The following EMSY variants were observed in gnomAD, a reference collection of about 807,000 sequenced individuals.
EMSY encodes BRCA2-interacting transcriptional repressor EMSY.
EMSY carries 26 observed loss-of-function variants against 134.6 expected under a neutral mutation model. The ratio of observed to expected loss-of-function variants is 0.19; its 90% CI spans 0.14 to 0.27. EMSY has a LOEUF of 0.27. EMSY is among the 10% of genes least tolerant of loss of function. EMSY has a pLI of 1.00. For missense variants in EMSY, 1,305 were observed against 1,611.4 expected (o/e 0.81, Z 3.26); for synonymous variants, 579 against 577.8 (o/e 1.00, Z -0.03).
chr11:76,487,810 C>G (rs2135617179), intron 8 of EMSY, among the ~76,000 whole-genome samples: 1 of 152,328 alleles, frequency 6.6e-6, no homozygotes, highest in East Asian at 1.9e-4. Context: ...TGGAGATATT[C>G]CCAAATCTGG....
chr11:76,446,588 C>A (rs984204633), intron 1 of EMSY, among the ~76,000 whole-genome samples: 1 of 152,068 alleles, frequency 6.6e-6, no homozygotes, highest in Non-Finnish European at 1.5e-5. Flanking sequence ...CTTTAATACG[C>A]GTAACAAACT....
chr11:76,516,654 T>C, intron 11 of EMSY: 1 of 162,866 alleles, frequency 6.1e-6, no homozygotes, highest in Non-Finnish European at 1.3e-5. Flanking sequence ...GTGGTTGCTA[T>C]TGTGCTGAAT....
At chr11:76,488,940 C>T (rs996038810) in intron 8 of EMSY, among the ~76,000 whole-genome samples, 1 of 152,188 alleles carries the variant, frequency 6.6e-6, no homozygotes, top group African/African-American at 2.4e-5. Flanking sequence ...AAAAATCTTT[C>T]CTAGAAGTCT....
At chr11:76,507,966 C>T (rs916848331) in intron 9 of EMSY, among the ~76,000 whole-genome samples, 3 of 151,252 alleles carry the variant, frequency 2.0e-5, no homozygotes, top group African/African-American at 7.3e-5. Flanking sequence ...CTGGCTCAAG[C>T]AGTCCTCCCA....
chr11:76,524,472 G>A (rs540645723), intron 12 of EMSY, among the ~76,000 whole-genome samples: 293 of 152,210 alleles, frequency 1.9e-3, no homozygotes, highest in African/African-American at 6.9e-3. Flanking sequence ...TTCAATGTGT[G>A]GGAAAACAGA....
chr11:76,522,181 A>G (rs888461847), intron 11 of EMSY, among the ~76,000 whole-genome samples: 1 of 152,058 alleles, frequency 6.6e-6, no homozygotes, highest in East Asian at 1.9e-4. Context: ...GAGAGGGCAA[A>G]GTAATACTGT....
chr11:76,466,157 T>C (rs1384364048), intron 7 of EMSY, among the ~76,000 whole-genome samples: 1 of 152,214 alleles, frequency 6.6e-6, no homozygotes, highest in African/African-American at 2.4e-5. Context: ...TCAATCTCCC[T>C]CATGACAGTA....
chr11:76,535,777 G>A (rs2136527660), intron 14 of EMSY, 118 bp from the exon 16 acceptor site: 2 of 786,688 alleles, frequency 2.5e-6, no homozygotes, highest in Non-Finnish European at 3.6e-6. Flanking sequence ...GGGAGATAAA[G>A]CATGAAGTTT....
intron 12 of EMSY, among the ~76,000 whole-genome samples, chr11:76,525,371 G>T (rs965445061): frequency 1.3e-5 from 2 of 152,140 alleles, no homozygotes; most frequent in Admixed American, 1.3e-4. Context: ...ATTATATTTA[G>T]CTCTGAATTC....
At chr11:76,512,530 A>G (rs1358966763) in intron 9 of EMSY, among the ~76,000 whole-genome samples, 2 of 152,008 alleles carry the variant, frequency 1.3e-5, no homozygotes, top group Non-Finnish European at 2.9e-5. Context: ...AACAGTTTTT[A>G]TATTTTATTT....
intron 7 of EMSY, among the ~76,000 whole-genome samples, chr11:76,464,750 C>T (rs1425519040): frequency 6.6e-6 from 1 of 152,158 alleles, no homozygotes; most frequent in Non-Finnish European, 1.5e-5. Context: ...AGCATATCCT[C>T]CAGTAGCTAC....
intron 8 of EMSY, among the ~76,000 whole-genome samples, chr11:76,474,148 AT>A (rs1343577879): frequency 1.3e-5 from 2 of 151,528 alleles, no homozygotes; most frequent in Non-Finnish European, 2.9e-5. Flanking sequence ...GAAAGGAAAT[AT>A]GGAAATCTGA....
intron 3 of EMSY, 96 bp from the exon 4 acceptor site, chr11:76,453,218 C>A: frequency 1.8e-6 from 2 of 1,081,796 alleles, no homozygotes; most frequent in Non-Finnish European, 2.7e-6. Flanking sequence ...ATCTTGTCCC[C>A]CTTCTCCCCC....
chr11:76,522,391 C>G (rs115827749), intron 11 of EMSY, among the ~76,000 whole-genome samples: 7 of 94,066 alleles, frequency 7.4e-5, no homozygotes, highest in Non-Finnish European at 1.3e-4. Context: ...TTCTTGAGAT[C>G]GAGTCTTGCT....
At chr11:76,512,516 C>CA (rs1368732185) in intron 9 of EMSY, among the ~76,000 whole-genome samples, 2 of 151,890 alleles carry the variant, frequency 1.3e-5, no homozygotes, top group African/African-American at 4.8e-5. Context: ...ACATAGTTCT[C>CA]AAAAACAGTT....
At chr11:76,504,815 A>G (rs974461202) in intron 9 of EMSY, among the ~76,000 whole-genome samples, 1 of 152,244 alleles carries the variant, frequency 6.6e-6, no homozygotes, top group Admixed American at 6.5e-5. Flanking sequence ...GTGAATTTTA[A>G]TTAGCCATAA....
In EMSY at chr11:76,472,968, T is replaced by C; in HGVS notation, c.1108+128T>C. On this transcript the variant is annotated intron_variant, in intron 8 of 20. Transcript: ENST00000334736. ...TATTAGACCCAAGATCACCACCCCGTGTACCCCAGTTTGAGAATGTCAAGA... is the reference window on the plus strand; with the variant it reads ...TATTAGACCCAAGATCACCACCCCGCGTACCCCAGTTTGAGAATGTCAAGA... 6 of 828,044 alleles carry C rather than the reference T, an allele frequency of 7.2e-6. No individual in the cohort carries two copies. In the South Asian group the frequency reaches 1.1e-4, roughly 15 times the overall value. 51.3% of individuals were successfully genotyped at this position (828,044 alleles called of 1,614,324 possible).
At chr11:76,523,975 G>A (rs184332980) in intron 12 of EMSY, among the ~76,000 whole-genome samples, 88 of 152,072 alleles carry the variant, frequency 5.8e-4, no homozygotes, top group African/African-American at 2.1e-3. Flanking sequence ...ACATGAGCCC[G>A]GGAGTTTGAG....
At chr11:76,521,500 T>C (rs766464751) in intron 11 of EMSY, among the ~76,000 whole-genome samples, 1 of 152,290 alleles carries the variant, frequency 6.6e-6, no homozygotes, top group African/African-American at 2.4e-5. Flanking sequence ...TGGTGGCTCA[T>C]GCCTGTAATT....
Sources: gnomAD v4.1 joint callset for allele counts (sites outside exome capture counted in the v4.1 genomes callset) on GRCh38, gnomAD v4.1.1 for gene constraint, MANE v1.5 for transcripts, NCBI Gene and HGNC (gene_info 2026-07-23, HGNC 2026-07-21) for gene names.